KIF20A: variants seen among roughly 807,000 people sequenced by gnomAD.
KIF20A encodes kinesin-like protein KIF20A.
In KIF20A, 66 loss-of-function variants were observed where a neutral mutation model predicts 113.0. The observed-to-expected ratio is 0.58, with a 90% CI of 0.48 to 0.72. The LOEUF is 0.72. KIF20A is among the 30% of genes least tolerant of loss of function. The probability of loss-of-function intolerance (pLI) is 0.00; values close to 1 mark genes in which losing one functional copy is unlikely to be tolerated. For missense variants in KIF20A, 927 were observed against 1,077.6 expected, an observed-to-expected ratio of 0.86 and a Z score of 1.96; for synonymous variants, 376 against 402.3, an observed-to-expected ratio of 0.93 and a Z score of 0.78.
Position 138,183,267 on chromosome 5 carries a change from G to A in KIF20A, c.931G>A (p.Glu311Lys). 2 of 1,614,186 alleles carry A rather than the reference G, an allele frequency of 1.2e-6. No homozygotes were observed. Among genetic ancestry groups the A allele is most frequent in the Non-Finnish European group, 1.7e-6 (2 of 1,180,038 alleles). The change falls in exon 8 of 19, where the codon GAA becomes AAA. Residue 311 changes from glutamate to lysine, a missense_variant. Transcript: ENST00000394894. The surrounding 1 kb of genome is among the most constrained non-coding windows in gnomAD (Gnocchi z 5.2). ...GATCTCATTCTTTGAGATCTACAAC[G>A]AACTGCTTTATGACCTATTAGAACC... ...IWISFFEIYN[E>K]LLYDLLEPPS...
chr5:138,182,878 CTT>C lies in KIF20A; in HGVS notation c.721_722del (p.Leu241GlufsTer33). The C allele has an allele frequency of 6.2e-7, 1 of 1,614,200 alleles. No individual in the cohort carries two copies. The highest frequency in any genetic ancestry group is 8.5e-7 in the Non-Finnish European group (1 of 1,180,020). ...GLQEEELSTS[L>X]KRSVYIESRI... is the part of the protein sequence containing the mutation. ...CCCTCCAGGAGGAGCTGTCCACTTC[CTT>C]GAAGAGGAGTGTCTACATCGAAAGT... On this transcript the variant is annotated frameshift_variant, in exon 7 of 19. Transcript: ENST00000394894. LOFTEE classifies it high-confidence loss of function.
intron 2 of KIF20A, among the ~76,000 whole-genome samples, chr5:138,180,275 G>C (rs190652721): frequency 6.4e-4 from 98 of 152,216 alleles, no homozygotes; most frequent in Non-Finnish European, 1.1e-3. Context: ...GCTAGGCCAG[G>C]GTTTCTCAGT....
Position 138,183,275 on chromosome 5 carries a change from T to C in KIF20A, c.939T>C (p.Leu313=). 1 of 1,614,222 alleles carries C rather than the reference T, an allele frequency of 6.2e-7. No individual in the cohort carries two copies. Among genetic ancestry groups the C allele is most frequent in the South Asian group, 1.1e-5 (1 of 91,088 alleles). Residue 313 remains leucine (L), a synonymous_variant, in exon 8 of 19, where the codon CTT becomes CTC. Transcript: ENST00000394894. This position sits in a 1 kb window ranked among gnomAD's most constrained non-coding sequence, Gnocchi z 5.2. Reference sequence around the variant, plus strand: ...TCTTTGAGATCTACAACGAACTGCTTTATGACCTATTAGAACCGCCTAGCC... The same window carrying C: ...TCTTTGAGATCTACAACGAACTGCTCTATGACCTATTAGAACCGCCTAGCC... The part of the protein sequence containing the change: ...ISFFEIYNEL[L]YDLLEPPSQQ...
Position 138,182,658 on chromosome 5 carries a change from A to C in KIF20A, c.587A>C (p.His196Pro). 1 of 1,614,170 alleles carries C rather than the reference A, an allele frequency of 6.2e-7. No homozygotes were observed. The highest frequency in any genetic ancestry group is 8.5e-7 in the Non-Finnish European group (1 of 1,180,040). The change falls in exon 6 of 19, where the codon CAT (histidine) becomes CCT (proline). Residue 196 changes from histidine (H) to proline (P), a missense_variant. By Grantham distance (77) the His-to-Pro change is moderately conservative. Coordinates refer to ENST00000394894, the MANE Select transcript of KIF20A (RefSeq NM_005733.3). Reference protein sequence around the residue: ...LIFNSLQGQLHPTPDLKPLLS... With the variant: ...LIFNSLQGQLPPTPDLKPLLS... ...TTCAATAGCCTCCAAGGCCAACTTCATCCAACACCTGATCTGAAGCCCTTG... is the reference window on the plus strand; with the variant it reads ...TTCAATAGCCTCCAAGGCCAACTTCCTCCAACACCTGATCTGAAGCCCTTG...
chr5:138,180,516 A>G (rs1754640022), intron 2 of KIF20A, among the ~76,000 whole-genome samples: 1 of 152,198 alleles, frequency 6.6e-6, no homozygotes, highest in Admixed American at 6.5e-5. Context: ...AAACATTAAC[A>G]TACATTGTCA....
chr5:138,187,040 G>C (rs993419071), intron 18 of KIF20A, 56 bp from the exon 19 acceptor site: 2 of 1,372,822 alleles, frequency 1.5e-6, no homozygotes, highest in Non-Finnish European at 1.0e-6. Flanking sequence ...TAGCCCTCTC[G>C]TTTCTCTAAT....
At chr5:138,179,624 G>C in intron 1 of KIF20A, 36 bp from the exon 2 acceptor site, 1 of 1,601,982 alleles carries the variant, frequency 6.2e-7, no homozygotes, top group Non-Finnish European at 8.5e-7. Context: ...GTCCCTAAAG[G>C]TTCTTCTCCC....
intron 2 of KIF20A, among the ~76,000 whole-genome samples, chr5:138,180,537 TCTTATAGAGTTTCTCTTAGAGA>T (rs1754640929): frequency 6.6e-6 from 1 of 152,208 alleles, no homozygotes; most frequent in African/African-American, 2.4e-5. Flanking sequence ...GATTTTGTGC[TCTTATAGAGTTTCTCTTAGAGA>T]CTTATAAAGT....
Position 138,184,528 on chromosome 5 carries a change from C to G in KIF20A, c.1535C>G (p.Pro512Arg), listed in dbSNP as rs769449397. The G allele has an allele frequency of 2.5e-6, 4 of 1,613,842 alleles. No individual in the cohort carries two copies. Among genetic ancestry groups the G allele is most frequent in the Non-Finnish European group, 2.5e-6 (3 of 1,179,768 alleles). ...TCCCTCTAGCTTGTGCATGCCCCAC[C>G]TATGCAACTGGGATTCCCATCCCTG... ...AIASQLVHAP[P>R]MQLGFPSLHS... The change falls in exon 13 of 19, where the codon CCT (proline) becomes CGT (arginine). Residue 512 changes from proline (P) to arginine (R), a missense_variant. Physicochemically the swap from Pro to Arg is moderately radical, Grantham distance 103. Coordinates refer to ENST00000394894, the MANE Select transcript of KIF20A (RefSeq NM_005733.3).
rs148510481 is a variant in KIF20A, at chr5:138,179,362, C to G, written c.-22+160C>G. 6.0e-4 allele frequency: 205 copies of G among 343,744 alleles called. 1 individual carries two copies. The East Asian group carries it at 0.015, about 25-fold the overall frequency. 21.3% of individuals were successfully genotyped at this position (343,744 alleles called of 1,614,324 possible). A position where few individuals can be genotyped will look rare whatever the true frequency, so the allele number is the denominator to read the frequency against. On this transcript the variant is annotated intron_variant, in intron 1 of 18. Transcript: ENST00000394894. Reference sequence around the variant, plus strand: ...AGGTTAGAGAAGGAGCCGAGGGATCCTGACACCACCTCCACAGCACCGGCG... The same window carrying G: ...AGGTTAGAGAAGGAGCCGAGGGATCGTGACACCACCTCCACAGCACCGGCG...
chr5:138,187,600 T>A lies in KIF20A; in HGVS notation c.*187T>A, dbSNP rs754740458. On this transcript the variant is annotated 3_prime_UTR_variant, in exon 19 of 19. Coordinates refer to ENST00000394894, the MANE Select transcript of KIF20A (RefSeq NM_005733.3). Reference sequence around the variant, plus strand: ...GTAATCTCATGTTGTTGTTTTTTTTTATTTACTTATATGATTTCTATGCAC... The same window carrying A: ...GTAATCTCATGTTGTTGTTTTTTTTAATTTACTTATATGATTTCTATGCAC... 1.4e-5 allele frequency: 7 copies of A among 495,520 alleles called. No individual in the cohort carries two copies. The highest frequency in any genetic ancestry group is 2.1e-5 in the Non-Finnish European group (6 of 283,370). 30.7% of individuals were successfully genotyped at this position (495,520 alleles called of 1,614,324 possible). A position where few individuals can be genotyped will look rare whatever the true frequency, so the allele number is the denominator to read the frequency against.
At chr5:138,186,226 C>G (rs944366605) in intron 17 of KIF20A, 68 bp from the exon 18 acceptor site, 2 of 1,557,238 alleles carry the variant, frequency 1.3e-6, no homozygotes, top group South Asian at 1.2e-5. Flanking sequence ...AAATGGCTAC[C>G]TGACCCCTCC....
chr5:138,183,103 C>T lies in KIF20A; in HGVS notation c.833-66C>T. 2 of 1,599,698 alleles carry T rather than the reference C, an allele frequency of 1.3e-6. No homozygotes were observed. Among genetic ancestry groups the T allele is most frequent in the Non-Finnish European group, 1.7e-6 (2 of 1,170,906 alleles). Reference sequence around the variant, plus strand: ...CAATCTAAGGTCTGCCTTCCAAGGCCCCTGCAGGCCAAAAGAGAGGTGAAC... The same window carrying T: ...CAATCTAAGGTCTGCCTTCCAAGGCTCCTGCAGGCCAAAAGAGAGGTGAAC... On this transcript the variant is annotated intron_variant, in intron 7 of 18. Transcript: ENST00000394894. The surrounding 1 kb of genome is among the most constrained non-coding windows in gnomAD (Gnocchi z 5.2).
chr5:138,185,544 T>G lies in KIF20A; in HGVS notation c.1959T>G (p.Ala653=). 6.2e-7 allele frequency: 1 copy of G among 1,613,860 alleles called. No individual in the cohort carries two copies. Among genetic ancestry groups the G allele is most frequent in the Non-Finnish European group, 8.5e-7 (1 of 1,180,014 alleles). ...ERDEKIEELE[A]LLQEARQQSV... is the part of the protein sequence containing the mutation. Reference sequence around the variant, plus strand: ...ATGAAAAGATTGAAGAGCTAGAAGCTCTCTTGCAGGAAGCCAGACAACAGT... The same window carrying G: ...ATGAAAAGATTGAAGAGCTAGAAGCGCTCTTGCAGGAAGCCAGACAACAGT... Residue 653 remains alanine (A), a synonymous_variant, in exon 16 of 19, where the codon GCT becomes GCG. Coordinates refer to ENST00000394894, the MANE Select transcript of KIF20A (RefSeq NM_005733.3).
In KIF20A at chr5:138,184,295, G is replaced by T. The variant is rs1163298932; in HGVS notation, c.1409G>T (p.Gly470Val). ...RDSKLTRVFQ[G>V]FFTGRGRSCM... ...AGCAAGTTGACTCGAGTGTTCCAAG[G>T]TTTCTTCACAGGCCGAGGCCGTTCC... is the stretch of plus-strand genomic sequence containing the variant. Residue 470 changes from glycine (G) to valine (V), a missense_variant, in exon 12 of 19, where the codon GGT becomes GTT. By Grantham distance (109) the Gly-to-Val change is moderately radical. Transcript: ENST00000394894. 3.1e-6 allele frequency: 5 copies of T among 1,614,048 alleles called. No homozygotes were observed. In the African/African-American group the frequency reaches 4.0e-5, roughly 13 times the overall value.
intron 2 of KIF20A, 143 bp downstream of exon 2, chr5:138,179,988 C>A: frequency 1.5e-5 from 12 of 795,704 alleles, no homozygotes; most frequent in South Asian, 6.7e-5. Context: ...GACAAAATGG[C>A]TATGAAAAGA....
Position 138,187,259 on chromosome 5 carries a change from AC to A in KIF20A, c.2521del (p.Gln841AsnfsTer70), listed in dbSNP as rs1754761304. The A allele has an allele frequency of 6.2e-7, 1 of 1,614,032 alleles. No individual in the cohort carries two copies. The highest frequency in any genetic ancestry group is 1.7e-5 in the Admixed American group (1 of 59,990). On this transcript the variant is annotated frameshift_variant, in exon 19 of 19. Coordinates refer to ENST00000394894, the MANE Select transcript of KIF20A (RefSeq NM_005733.3). LOFTEE classifies it high-confidence loss of function. ...ACCAACCAGGAAAATCAGCAACCAA[AC>A]CAACAACCACCAGGGAAGAAACCAT... Reference protein sequence around the residue: ...LGTNQENQQPNQQPPGKKPFL... With the variant: ...LGTNQENQQPXQQPPGKKPFL...
chr5:138,179,363 T>A (rs1057350088), intron 1 of KIF20A, 161 bp downstream of exon 1: 10 of 346,344 alleles, frequency 2.9e-5, no homozygotes, highest in Non-Finnish European at 4.9e-5. Context: ...CGAGGGATCC[T>A]GACACCACCT....
At chr5:138,184,136 G>A (rs1268268441) in intron 11 of KIF20A, 31 bp downstream of exon 11, 1 of 1,613,274 alleles carries the variant, frequency 6.2e-7, no homozygotes, top group Non-Finnish European at 8.5e-7. Context: ...CCTGGGCTCT[G>A]CAATTTGCTA....
Sources: gnomAD v4.1 joint callset for allele counts (sites outside exome capture counted in the v4.1 genomes callset) on GRCh38, gnomAD v4.1.1 for gene constraint, Gnocchi (gnomAD v3.1) non-coding constraint, MANE v1.5 for transcripts, NCBI Gene and HGNC (gene_info 2026-07-23, HGNC 2026-07-21) for gene names.